Variants in ROBO1 observed in about 807,000 individuals in gnomAD.
The protein encoded by ROBO1 is roundabout homolog 1.
Under a neutral mutation model 195.9 loss-of-function variants are expected in ROBO1, and 149 were observed. The ratio of observed to expected loss-of-function variants is 0.76; its 90% CI spans 0.67 to 0.87. The LOEUF is 0.87. Ranked by LOEUF, ROBO1 falls within the 40% of genes least tolerant of loss-of-function variation. The pLI is 0.00. For missense variants in ROBO1, 1,933 were observed against 2,068.3 expected, an observed-to-expected ratio of 0.93 and a Z score of 1.27; for synonymous variants, 816 against 733.2, an observed-to-expected ratio of 1.11 and a Z score of -1.82.
intron 1 of ROBO1, among the ~76,000 whole-genome samples, chr3:79,627,139 G>GA (rs1403294579): frequency 6.6e-6 from 1 of 152,050 alleles, no homozygotes; most frequent in East Asian, 1.9e-4. Flanking sequence ...CACAGAATTA[G>GA]AAAAAAACTA....
chr3:79,692,254 G>T (rs1368899280), intron 1 of ROBO1, among the ~76,000 whole-genome samples: 14 of 151,832 alleles, frequency 9.2e-5, no homozygotes, highest in Admixed American at 8.6e-4. Flanking sequence ...GGAGAGTTAA[G>T]TATAGATTAT....
intron 2 of ROBO1, among the ~76,000 whole-genome samples, chr3:79,208,979 C>T (rs918832925): frequency 1.3e-5 from 2 of 152,028 alleles, no homozygotes; most frequent in Non-Finnish European, 2.9e-5. Flanking sequence ...TGGCACAATA[C>T]TTTATATATT....
chr3:78,770,239 T>G (rs1239655760), intron 4 of ROBO1, among the ~76,000 whole-genome samples: 2 of 152,176 alleles, frequency 1.3e-5, no homozygotes, highest in African/African-American at 4.8e-5. Context: ...TCATTTAACC[T>G]AATCCCAGAC....
chr3:78,739,515 T>A (rs1353465432), intron 5 of ROBO1, among the ~76,000 whole-genome samples: 1 of 152,158 alleles, frequency 6.6e-6, no homozygotes, highest in Admixed American at 6.5e-5. Flanking sequence ...CTTTTCAACA[T>A]AAATCCTTCT....
At chr3:79,049,796 C>T (rs1330901957) in intron 3 of ROBO1, among the ~76,000 whole-genome samples, 1 of 152,092 alleles carries the variant, frequency 6.6e-6, no homozygotes, top group African/African-American at 2.4e-5. Flanking sequence ...TCCAGCCAAA[C>T]TAAGCTTCAT....
At chr3:79,423,974 C>T (rs1393523924) in intron 2 of ROBO1, among the ~76,000 whole-genome samples, 1 of 151,780 alleles carries the variant, frequency 6.6e-6, no homozygotes, top group Non-Finnish European at 1.5e-5. Flanking sequence ...AAGGTACCAC[C>T]TGGACCTTCT....
chr3:79,067,835 C>T (rs1394070464), intron 3 of ROBO1, among the ~76,000 whole-genome samples: 1 of 151,900 alleles, frequency 6.6e-6, no homozygotes, highest in Admixed American at 6.6e-5. Context: ...GGGTAACTCA[C>T]AAGGGTACAG....
chr3:79,128,695 AC>A (rs1174101769), intron 2 of ROBO1, among the ~76,000 whole-genome samples: 1 of 151,958 alleles, frequency 6.6e-6, no homozygotes, highest in Non-Finnish European at 1.5e-5. Flanking sequence ...GGTCAGATGG[AC>A]CCCCATAACA....
intron 3 of ROBO1, among the ~76,000 whole-genome samples, chr3:79,091,060 G>A (rs574570954): frequency 3.2e-4 from 49 of 152,228 alleles, no homozygotes; most frequent in African/African-American, 1.2e-3. Context: ...TAAATCAGCT[G>A]CAGGTCTTCA....
chr3:79,448,848 T>C (rs2039353240), intron 2 of ROBO1, among the ~76,000 whole-genome samples: 1 of 152,202 alleles, frequency 6.6e-6, no homozygotes, highest in African/African-American at 2.4e-5. Flanking sequence ...TTACCCATCA[T>C]TAACTACGTT....
chr3:79,680,964 T>C (rs1946928845), intron 1 of ROBO1, among the ~76,000 whole-genome samples: 1 of 151,960 alleles, frequency 6.6e-6, no homozygotes, highest in Non-Finnish European at 1.5e-5. Flanking sequence ...TTATTGATAA[T>C]GACTGGAACA....
At chr3:78,757,451 ACACACT>A (rs1417909369) in intron 4 of ROBO1, among the ~76,000 whole-genome samples, 2 of 151,820 alleles carry the variant, frequency 1.3e-5, no homozygotes, top group South Asian at 4.2e-4. Context: ...ACACACACAC[ACACACT>A]CACAAACTCA....
chr3:79,558,783 G>C (rs962360944), intron 2 of ROBO1, among the ~76,000 whole-genome samples: 1 of 152,114 alleles, frequency 6.6e-6, no homozygotes, highest in African/African-American at 2.4e-5. Context: ...CACAATAGCA[G>C]AGTATGTGCA....
intron 2 of ROBO1, among the ~76,000 whole-genome samples, chr3:79,253,999 C>T (rs1476946257): frequency 6.6e-6 from 1 of 152,096 alleles, no homozygotes; most frequent in Non-Finnish European, 1.5e-5. Flanking sequence ...GAGCACTTAT[C>T]CACCCGGCAA....
At chr3:78,748,995 A>G (rs987481083) in intron 4 of ROBO1, among the ~76,000 whole-genome samples, 1 of 152,166 alleles carries the variant, frequency 6.6e-6, no homozygotes, top group Non-Finnish European at 1.5e-5. Flanking sequence ...ACCACATAAT[A>G]AAAGAACAGA....
chr3:79,448,262 G>A (rs1306478357), intron 2 of ROBO1, among the ~76,000 whole-genome samples: 2 of 152,074 alleles, frequency 1.3e-5, no homozygotes. Flanking sequence ...CTAGTCAAGG[G>A]AAAGATTCAA....
At chr3:79,256,778 T>C (rs1403574816) in intron 2 of ROBO1, among the ~76,000 whole-genome samples, 2 of 152,140 alleles carry the variant, frequency 1.3e-5, no homozygotes, top group Non-Finnish European at 2.9e-5. Flanking sequence ...ATCTTAACTT[T>C]TAAAAGCAAA....
intron 2 of ROBO1, among the ~76,000 whole-genome samples, chr3:79,310,730 C>A (rs2033445578): frequency 6.6e-6 from 1 of 151,846 alleles, no homozygotes. Flanking sequence ...ATCACAAGTA[C>A]CCCTTAAATA....
At chr3:79,697,776 A>G (rs958259265) in intron 1 of ROBO1, among the ~76,000 whole-genome samples, 22 of 151,512 alleles carry the variant, frequency 1.5e-4, no homozygotes, top group African/African-American at 4.8e-4. Context: ...AGTAATAAGC[A>G]TAATAAGTTA....
Sources: gnomAD v4.1 joint callset for allele counts (sites outside exome capture counted in the v4.1 genomes callset) on GRCh38, gnomAD v4.1.1 for gene constraint, MANE v1.5 for transcripts, NCBI Gene and HGNC (gene_info 2026-07-23, HGNC 2026-07-21) for gene names.